The following GRAMD1A variants were observed in gnomAD, a reference collection of about 807,000 sequenced individuals.
The protein encoded by GRAMD1A is GRAM domain containing 1A.
Under a neutral mutation model 92.0 loss-of-function variants are expected in GRAMD1A, and 50 were observed. That is an observed-to-expected ratio of 0.54 (90% confidence interval 0.43 to 0.69). GRAMD1A has a LOEUF of 0.69. GRAMD1A is among the 30% of genes least tolerant of loss of function. The pLI, the probability that GRAMD1A is intolerant of heterozygous loss-of-function variation, is 0.00. For missense variants in GRAMD1A, 819 were observed against 978.9 expected, an observed-to-expected ratio of 0.84 and a Z score of 2.18; for synonymous variants, 405 against 403.6, an observed-to-expected ratio of 1.00 and a Z score of -0.04.
rs924428128 is a variant in GRAMD1A, at chr19:35,009,145, C to T, written c.35C>T (p.Thr12Met). 1.4e-5 allele frequency: 23 copies of T among 1,613,550 alleles called. No homozygotes were observed. The highest frequency in any genetic ancestry group is 3.3e-5 in the Admixed American group (2 of 60,012). ...ACCACACCCCACTCTGGCCGGAGCACGCCAAGCAGCTCCCCATCGCTCCGG... is the reference window on the plus strand; with the variant it reads ...ACCACACCCCACTCTGGCCGGAGCATGCCAAGCAGCTCCCCATCGCTCCGG... ...FDTTPHSGRS[T>M]PSSSPSLRKR... The change falls in exon 2 of 20, where the codon ACG becomes ATG. Residue 12 changes from threonine (T) to methionine (M), a missense_variant. Physicochemically the swap from Thr to Met is moderately conservative, Grantham distance 81. This residue lies in a region of GRAMD1A where 98 missense variants were observed against 84.0 expected (regional missense o/e 1.17). Coordinates refer to ENST00000317991, the MANE Select transcript of GRAMD1A (RefSeq NM_020895.5).
At chr19:35,000,238 G>A (rs995168366), upstream of GRAMD1A, 2 of 1,023,962 alleles carry the variant, frequency 2.0e-6, no homozygotes, top group African/African-American at 3.4e-5. This position sits in a 1 kb window ranked among gnomAD's most constrained non-coding sequence, Gnocchi z 4.9. Flanking sequence ...CTTCCCTCCC[G>A]GGCTGGGGGC....
At chr19:35,009,011 A>G in intron 1 of GRAMD1A, 108 bp from the exon 2 acceptor site, 4 of 729,410 alleles carry the variant, frequency 5.5e-6, no homozygotes. Context: ...GGCTGGGTGG[A>G]TGGGTGTGTA....
At chr19:35,000,161 C>T (rs530553389), upstream of GRAMD1A, 108 of 1,006,436 alleles carry the variant, frequency 1.1e-4, no homozygotes, top group Non-Finnish European at 1.2e-4. The surrounding 1 kb of genome is among the most constrained non-coding windows in gnomAD (Gnocchi z 4.9). Context: ...CTCTGCTTTC[C>T]CTTCTCTGTC....
Position 35,000,487 on chromosome 19 carries a change from G to A in GRAMD1A, c.8+1G>A. 7.8e-7 allele frequency: 1 copy of A among 1,278,460 alleles called. No individual in the cohort carries two copies. Among genetic ancestry groups the A allele is most frequent in the Non-Finnish European group, 9.9e-7 (1 of 1,005,884 alleles). The allele number at this position is 1,278,460 out of a possible 1,614,324, so 79.2% of individuals were successfully genotyped here. The stretch of plus-strand genomic sequence containing the variant: ...CCCACCGCGCCGCATCCATGTTCGA[G>A]TAAGGACCGGGCGACTAGAGCTCAG... On this transcript the variant is annotated splice_donor_variant, in intron 1 of 19. Transcript: ENST00000317991. LOFTEE classifies it high-confidence loss of function. The surrounding 1 kb of genome is among the most constrained non-coding windows in gnomAD (Gnocchi z 4.9).
At chr19:35,000,304 G>A, upstream of GRAMD1A, 1 of 1,042,118 alleles carries the variant, frequency 9.6e-7, no homozygotes, top group Non-Finnish European at 1.2e-6. The surrounding 1 kb of genome is among the most constrained non-coding windows in gnomAD (Gnocchi z 4.9). Flanking sequence ...ACGCCGCGGC[G>A]GCCTCCGGCG....
chr19:35,022,918 T>TCCC lies in GRAMD1A; in HGVS notation c.1853+8_1853+10dup, dbSNP rs1421259518. 6.3e-7 allele frequency: 1 copy of TCCC among 1,591,940 alleles called. No individual in the cohort carries two copies. Among genetic ancestry groups the TCCC allele is most frequent in the African/African-American group, 1.3e-5 (1 of 74,478 alleles). On this transcript the variant is annotated splice_region_variant and intron_variant, in intron 17 of 19. Transcript: ENST00000317991. ...GCTGCAGGATCTGTGTGAGGTAGGG[T>TCCC]CCCGAGTCCTCCCCCTGCCCTCCCC...
rs753441055 is a variant in GRAMD1A, at chr19:35,018,460, C to T, written c.1214-731C>T. Among the ~76,000 whole-genome samples, 7 of 152,192 alleles carry T rather than the reference C, an allele frequency of 4.6e-5. 1 individual carries two copies. The highest frequency in any genetic ancestry group is 1.3e-4 in the Admixed American group (2 of 15,286). On this transcript the variant is annotated intron_variant, in intron 11 of 19. Transcript: ENST00000317991. Reference sequence around the variant, plus strand: ...CCGCCCCCATGATCCAAACACCTCTCACCAGGCCCTACCTCCGGCATTGGG... The same window carrying T: ...CCGCCCCCATGATCCAAACACCTCTTACCAGGCCCTACCTCCGGCATTGGG...
chr19:35,001,849 C>T (rs2014398680), intron 1 of GRAMD1A, among the ~76,000 whole-genome samples: 1 of 152,116 alleles, frequency 6.6e-6, no homozygotes, highest in Non-Finnish European at 1.5e-5. Flanking sequence ...CTCAGGTGAT[C>T]CACCCACCTC....
At chr19:34,995,976 CT>C (rs1276901884), upstream of GRAMD1A, 4 of 1,476,668 alleles carry the variant, frequency 2.7e-6, no homozygotes, top group East Asian at 2.5e-5. Context: ...TCCCTCATCT[CT>C]TTTTTCTCTT....
upstream of GRAMD1A, among the ~76,000 whole-genome samples, chr19:34,995,581 T>C (rs986572040): frequency 7.0e-6 from 1 of 142,538 alleles, no homozygotes; most frequent in Non-Finnish European, 1.5e-5. Flanking sequence ...GTTTTTTTTT[T>C]TTTTTTTTTT....
rs1187417823 is a variant in GRAMD1A at position 35,023,410 on chromosome 19, G to A, written c.1962-17G>A. 2 of 1,602,374 alleles carry A rather than the reference G, an allele frequency of 1.2e-6. No individual in the cohort carries two copies. Among genetic ancestry groups the A allele is most frequent in the Admixed American group, 1.7e-5 (1 of 57,478 alleles). On this transcript the variant is annotated splice_polypyrimidine_tract_variant and intron_variant, in intron 18 of 19. Coordinates refer to ENST00000317991, the MANE Select transcript of GRAMD1A (RefSeq NM_020895.5). Reference sequence around the variant, plus strand: ...CGGGGGAGGCCAAGGCCCTGCTCAGGCCTGGCATCCCCACAGCAAGTTCCC... The same window carrying A: ...CGGGGGAGGCCAAGGCCCTGCTCAGACCTGGCATCCCCACAGCAAGTTCCC...
intron 11 of GRAMD1A, among the ~76,000 whole-genome samples, chr19:35,017,088 T>G (rs979127466): frequency 2.0e-5 from 3 of 151,488 alleles, no homozygotes; most frequent in Non-Finnish European, 4.4e-5. Context: ...GGTGAGAGAA[T>G]TGCTTGAACC....
At position 35,013,635 on chromosome 19, in the gene GRAMD1A, C is replaced by T. The variant is rs201394899; in HGVS notation, c.814C>T (p.Arg272Cys). ...CCAGGAGCCAAGCCCAGTGGGTTCG[C>T]GCCGTGGCCATGTCACGCCCAACCT... ...RSQEPSPVGS[R>C]RGHVTPNLSR... The change falls in exon 9 of 20, where the codon CGC (arginine) becomes TGC (cysteine). Residue 272 changes from arginine to cysteine, a missense_variant. Around this residue, in one of 3 missense-constraint regions of GRAMD1A, gnomAD observed 577 missense variants for 674.6 expected, o/e 0.86. Coordinates refer to ENST00000317991, the MANE Select transcript of GRAMD1A (RefSeq NM_020895.5). This position sits in a 1 kb window ranked among gnomAD's most constrained non-coding sequence, Gnocchi z 4.9. 1.1e-3 allele frequency: 1,760 copies of T among 1,613,570 alleles called. 3 individuals are homozygous for T. Among genetic ancestry groups the T allele is most frequent in the South Asian group, 2.4e-3 (214 of 91,034 alleles).
chr19:35,012,069 C>T (rs940257288), intron 7 of GRAMD1A, among the ~76,000 whole-genome samples: 1 of 152,256 alleles, frequency 6.6e-6, no homozygotes, highest in Non-Finnish European at 1.5e-5. Context: ...GCCCCATCCC[C>T]TGGGGCAAGT....
upstream of GRAMD1A, among the ~76,000 whole-genome samples, chr19:34,996,922 C>G (rs2014060218): frequency 6.6e-6 from 1 of 151,696 alleles, no homozygotes; most frequent in Non-Finnish European, 1.5e-5. Context: ...GCAATCAGCC[C>G]TTGTTTTTTG....
In GRAMD1A at chr19:35,019,269, A is replaced by G. The variant is rs1410547514; in HGVS notation, c.1292A>G (p.Asn431Ser). The G allele has an allele frequency of 1.9e-6, 3 of 1,613,426 alleles. No individual in the cohort carries two copies. The highest frequency in any genetic ancestry group is 3.3e-5 in the Admixed American group (2 of 59,978). ...CTGACGTACACCATCCCCATCAGCA[A>G]CCCACTGGGCCCCAAGAGCGCCTCC... is the stretch of plus-strand genomic sequence containing the variant. Reference protein sequence around the residue: ...RVLTYTIPISNPLGPKSASVV... With the variant: ...RVLTYTIPISSPLGPKSASVV... The change falls in exon 12 of 20, where the codon AAC becomes AGC. Residue 431 changes from asparagine to serine, a missense_variant. By Grantham distance (46) the Asn-to-Ser change is conservative. Coordinates refer to ENST00000317991, the MANE Select transcript of GRAMD1A (RefSeq NM_020895.5).
intron 11 of GRAMD1A, among the ~76,000 whole-genome samples, chr19:35,017,439 T>C (rs953366668): frequency 1.3e-5 from 2 of 152,232 alleles, no homozygotes; most frequent in Non-Finnish European, 1.5e-5. Flanking sequence ...GGATACTGCA[T>C]GTCTCATCAA....
intron 1 of GRAMD1A, among the ~76,000 whole-genome samples, chr19:35,008,677 T>G (rs1487815042): frequency 1.3e-5 from 2 of 152,012 alleles, no homozygotes; most frequent in Non-Finnish European, 2.9e-5. Context: ...GCTAGCCATG[T>G]GTGGTGGCAG....
chr19:35,014,373 C>G lies in GRAMD1A; in HGVS notation c.1055C>G (p.Ser352Cys). 6.2e-7 allele frequency: 1 copy of G among 1,613,648 alleles called. No individual in the cohort carries two copies. Residue 352 changes from serine to cysteine, a missense_variant, in exon 10 of 20, where the codon TCC becomes TGC. This residue lies in a region of GRAMD1A where 577 missense variants were observed against 674.6 expected (regional missense o/e 0.86). Transcript: ENST00000317991. The stretch of plus-strand genomic sequence containing the variant: ...ACAGACACAAGTAACTCCTCTTCAT[C>G]CACTGGGGAGGAAGGTGAGGCAGGC... ...LLTDTSNSSS[S>C]TGEEADLAAL...
Sources: allele counts gnomAD v4.1 joint callset (sites outside exome capture counted in the v4.1 genomes callset), GRCh38; gene constraint gnomAD v4.1.1; regional missense constraint gnomAD v4.1.1; non-coding constraint Gnocchi (gnomAD v3.1); transcripts MANE v1.5; gene names NCBI Gene and HGNC (gene_info 2026-07-23, HGNC 2026-07-21).